Variants in PLCE1 observed in about 807,000 individuals in gnomAD.
The protein encoded by PLCE1 is phospholipase C epsilon 1, also known as 1-phosphatidylinositol 4,5-bisphosphate phosphodiesterase epsilon-1.
In PLCE1, 119 loss-of-function variants were observed where a neutral mutation model predicts 242.8. That is an observed-to-expected ratio of 0.49 (90% confidence interval 0.42 to 0.57). The LOEUF is 0.57. Among genes scored for constraint, PLCE1 ranks in the 20% least tolerant of loss-of-function variants. PLCE1 has a pLI of 0.00. For missense variants in PLCE1, 2,441 were observed against 2,788.8 expected (o/e 0.88, Z 2.81); for synonymous variants, 945 against 1,017.4 (o/e 0.93, Z 1.35).
intron 2 of PLCE1, among the ~76,000 whole-genome samples, chr10:94,043,656 AG>A (rs560726643): frequency 2.0e-4 from 30 of 152,284 alleles, no homozygotes; most frequent in Admixed American, 3.9e-4. Context: ...TTCCAGGACA[AG>A]GGGAAAGTTT....
At chr10:94,022,660 T>C (rs1048709711) in intron 1 of PLCE1, among the ~76,000 whole-genome samples, 2 of 152,096 alleles carry the variant, frequency 1.3e-5, no homozygotes, top group African/African-American at 2.4e-5. Flanking sequence ...AAATTGATTT[T>C]CTTACTGATC....
chr10:94,031,036 G>A lies in PLCE1; in HGVS notation c.-11G>A. 6.2e-7 allele frequency: 1 copy of A among 1,613,418 alleles called. No individual in the cohort carries two copies. Among genetic ancestry groups the A allele is most frequent in the South Asian group, 1.1e-5 (1 of 91,070 alleles). ...ATAGAGCAATAGTCAAAACCTGTGT[G>A]TTAGTCCAAGATGACTTCTGAAGAA... On this transcript the variant is annotated 5_prime_UTR_variant, in exon 2 of 33. Transcript: ENST00000371380.
At chr10:94,188,951 A>G (rs1477553640) in intron 4 of PLCE1, among the ~76,000 whole-genome samples, 1 of 150,698 alleles carries the variant, frequency 6.6e-6, no homozygotes, top group Non-Finnish European at 1.5e-5. Context: ...TTTCTTAAGA[A>G]TTGTTCTACA....
At chr10:94,196,487 G>A (rs1282750514) in intron 4 of PLCE1, among the ~76,000 whole-genome samples, 1 of 152,106 alleles carries the variant, frequency 6.6e-6, no homozygotes, top group Non-Finnish European at 1.5e-5. Flanking sequence ...CCTTTCAGGT[G>A]CAAGACTTAG....
At chr10:94,131,066 C>T (rs72812699) in intron 2 of PLCE1, among the ~76,000 whole-genome samples, 9 of 152,288 alleles carry the variant, frequency 5.9e-5, no homozygotes, top group Non-Finnish European at 1.2e-4. Flanking sequence ...GGTATATAAA[C>T]AGTAACTATT....
chr10:94,232,644 C>G (rs920521505), intron 5 of PLCE1, among the ~76,000 whole-genome samples: 2 of 152,196 alleles, frequency 1.3e-5, no homozygotes, highest in African/African-American at 4.8e-5. Context: ...ACCCTCTGGT[C>G]AACCTCTTAT....
At chr10:94,182,024 A>G (rs2048329260) in intron 4 of PLCE1, among the ~76,000 whole-genome samples, 1 of 124,982 alleles carries the variant, frequency 8.0e-6, no homozygotes, top group African/African-American at 4.5e-5. Flanking sequence ...CAGTCACAGC[A>G]GTACTCAAAG....
intron 4 of PLCE1, among the ~76,000 whole-genome samples, chr10:94,197,514 C>T (rs944306553): frequency 6.6e-6 from 1 of 152,214 alleles, no homozygotes; most frequent in Non-Finnish European, 1.5e-5. Flanking sequence ...CACATACCTA[C>T]AGCCATCCTA....
At chr10:94,057,386 T>G (rs1202368258) in intron 2 of PLCE1, among the ~76,000 whole-genome samples, 1 of 152,038 alleles carries the variant, frequency 6.6e-6, no homozygotes, top group African/African-American at 2.4e-5. Context: ...TTTTAATAGC[T>G]GACCTACACT....
intron 15 of PLCE1, 27 bp from the exon 16 acceptor site, chr10:94,265,766 A>T: frequency 6.2e-7 from 1 of 1,613,902 alleles, no homozygotes; most frequent in Non-Finnish European, 8.5e-7. Context: ...TTTCCCATGC[A>T]GTCTTAAGAA....
chr10:94,298,373 G>A lies in PLCE1; in HGVS notation c.5168-6G>A, dbSNP rs148239915. On this transcript the variant is annotated splice_polypyrimidine_tract_variant and splice_region_variant and intron_variant, in intron 23 of 32. Coordinates refer to ENST00000371380, the MANE Select transcript of PLCE1 (RefSeq NM_016341.4). The surrounding 1 kb of genome is among the most constrained non-coding windows in gnomAD (Gnocchi z 5.2). Reference sequence around the variant, plus strand: ...TAATCTGCGGCTAATTTCTTGGGGGGTTTAGGTTCCTGTGAAGGCATTCGA... The same window carrying A: ...TAATCTGCGGCTAATTTCTTGGGGGATTTAGGTTCCTGTGAAGGCATTCGA... 3 of 1,613,874 alleles carry A rather than the reference G, an allele frequency of 1.9e-6. No individual in the cohort carries two copies. The highest frequency in any genetic ancestry group is 2.5e-6 in the Non-Finnish European group (3 of 1,179,836).
intron 4 of PLCE1, among the ~76,000 whole-genome samples, chr10:94,222,808 C>A (rs889658488): frequency 2.0e-5 from 3 of 152,206 alleles, no homozygotes; most frequent in African/African-American, 7.2e-5. Flanking sequence ...CTAGGGGTTA[C>A]AATCTACCCT....
At chr10:94,023,274 T>G (rs1231953777) in intron 1 of PLCE1, among the ~76,000 whole-genome samples, 1 of 152,160 alleles carries the variant, frequency 6.6e-6, no homozygotes, top group African/African-American at 2.4e-5. Flanking sequence ...ACTGCATAAC[T>G]CTTCTTTGGG....
At chr10:94,148,551 C>T (rs1437679409) in intron 3 of PLCE1, among the ~76,000 whole-genome samples, 4 of 152,224 alleles carry the variant, frequency 2.6e-5, no homozygotes, top group Non-Finnish European at 5.9e-5. Context: ...TCTGGTCTTC[C>T]TCCCTAGTTC....
intron 4 of PLCE1, among the ~76,000 whole-genome samples, chr10:94,208,160 T>C (rs2049222362): frequency 6.6e-6 from 1 of 152,156 alleles, no homozygotes; most frequent in Admixed American, 6.5e-5. Context: ...AAATGGTAAC[T>C]GTGTGGCGGA....
chr10:94,060,696 T>G, intron 2 of PLCE1, among the ~76,000 whole-genome samples: 1 of 138,548 alleles, frequency 7.2e-6, no homozygotes, highest in Admixed American at 7.2e-5. Context: ...ATTATTTAAC[T>G]TTTTTTTTTT....
intron 2 of PLCE1, among the ~76,000 whole-genome samples, chr10:94,062,069 T>C (rs1209841820): frequency 6.6e-6 from 1 of 152,230 alleles, no homozygotes; most frequent in Non-Finnish European, 1.5e-5. Flanking sequence ...AATTAATAAA[T>C]GTATAATGTT....
intron 24 of PLCE1, among the ~76,000 whole-genome samples, chr10:94,300,279 A>G (rs1021702964): frequency 6.6e-6 from 1 of 152,228 alleles, no homozygotes; most frequent in African/African-American, 2.4e-5. Flanking sequence ...CTGCCACTCC[A>G]TGGGCCATCC....
chr10:94,174,398 G>A (rs1425590917), intron 4 of PLCE1, among the ~76,000 whole-genome samples: 1 of 152,226 alleles, frequency 6.6e-6, no homozygotes, highest in East Asian at 1.9e-4. Context: ...AACTGTTGCA[G>A]GCAAGAACTA....
Sources: allele counts gnomAD v4.1 joint callset (sites outside exome capture counted in the v4.1 genomes callset), GRCh38; gene constraint gnomAD v4.1.1; non-coding constraint Gnocchi (gnomAD v3.1); transcripts MANE v1.5; gene names NCBI Gene and HGNC (gene_info 2026-07-23, HGNC 2026-07-21).